Variants in MAGI2 observed in about 807,000 individuals in gnomAD.
MAGI2 encodes membrane associated guanylate kinase, WW and PDZ domain containing 2.
A neutral mutation model predicts 133.3 loss-of-function variants in MAGI2; 35 were observed. That is an observed-to-expected ratio of 0.26 (90% CI 0.20 to 0.35). The LOEUF is 0.35. Among genes scored for constraint, MAGI2 ranks in the 10% least tolerant of loss-of-function variants. MAGI2 has a pLI of 1.00. For missense variants in MAGI2, 1,636 were observed against 1,863.4 expected (o/e 0.88, Z 2.25); for synonymous variants, 729 against 710.6 (o/e 1.03, Z -0.41).
At chr7:79,063,212 G>C (rs1364120728) in intron 1 of MAGI2, among the ~76,000 whole-genome samples, 1 of 152,016 alleles carries the variant, frequency 6.6e-6, no homozygotes, top group Non-Finnish European at 1.5e-5. Flanking sequence ...TTCCAACAGT[G>C]TGTTTCCAAC....
chr7:79,174,871 A>G (rs1335068814), intron 1 of MAGI2, among the ~76,000 whole-genome samples: 1 of 151,916 alleles, frequency 6.6e-6, no homozygotes, highest in African/African-American at 2.4e-5. Context: ...ATCTTGCAAG[A>G]ACTATTGGAA....
chr7:78,677,728 T>C (rs170417), intron 2 of MAGI2, among the ~76,000 whole-genome samples: 31,013 of 152,028 alleles, frequency 0.2, 3,513 homozygotes, highest in East Asian at 0.41. Flanking sequence ...TTGGCATTTA[T>C]TACATAATTT....
At chr7:78,944,511 C>CATTTT (rs1801247230) in intron 2 of MAGI2, among the ~76,000 whole-genome samples, 1 of 152,048 alleles carries the variant, frequency 6.6e-6, no homozygotes, top group African/African-American at 2.4e-5. Flanking sequence ...CTGCATTCCC[C>CATTTT]TCCATAAAAT....
At chr7:79,237,675 C>T (rs978016444) in intron 1 of MAGI2, among the ~76,000 whole-genome samples, 1 of 152,134 alleles carries the variant, frequency 6.6e-6, no homozygotes, top group Non-Finnish European at 1.5e-5. Flanking sequence ...TATTAATATA[C>T]CCTACTTTCC....
intron 3 of MAGI2, among the ~76,000 whole-genome samples, chr7:78,588,951 G>C (rs1803701723): frequency 6.6e-6 from 1 of 152,184 alleles, no homozygotes; most frequent in Non-Finnish European, 1.5e-5. Flanking sequence ...CTTGCCCACT[G>C]TCAGGAACTG....
chr7:78,132,812 C>G, intron 18 of MAGI2, 77 bp downstream of exon 18: 1 of 1,601,338 alleles, frequency 6.2e-7, no homozygotes, highest in Non-Finnish European at 8.5e-7. Flanking sequence ...TCTGCCTGTC[C>G]TGTGCTGTCC....
chr7:79,309,932 AC>A (rs2129560508), intron 1 of MAGI2, among the ~76,000 whole-genome samples: 1 of 147,938 alleles, frequency 6.8e-6, no homozygotes, highest in African/African-American at 2.5e-5. Context: ...GGAGTTCAAG[AC>A]CAGCCTGGAC....
At position 78,127,210 on chromosome 7, in the gene MAGI2, T is replaced by C. The variant is rs768074203; in HGVS notation, c.3410A>G (p.Tyr1137Cys). 2 of 1,584,894 alleles carry C rather than the reference T, an allele frequency of 1.3e-6. No homozygotes were observed. The highest frequency in any genetic ancestry group is 1.2e-5 in the South Asian group (1 of 86,220). ...GGGAGGAGGTACCTGGGGTTGTCTGTAGTCCGACAGAGGGTACTGCCTGGT... is the reference window on the plus strand; with the variant it reads ...GGGAGGAGGTACCTGGGGTTGTCTGCAGTCCGACAGAGGGTACTGCCTGGT... ...PDTRQYPLSD[Y>C]RQPQDFDYFT... Residue 1137 changes from tyrosine (Y) to cysteine (C), a missense_variant, in exon 19 of 22, where the codon TAC becomes TGC. Transcript: ENST00000354212.
intron 1 of MAGI2, among the ~76,000 whole-genome samples, chr7:79,172,593 G>T (rs6950691): frequency 0.78 from 119,161 of 151,932 alleles, 47,563 homozygotes; most frequent in Non-Finnish European, 0.87. Flanking sequence ...AGTAAAATAT[G>T]CTCTATGATT....
intron 2 of MAGI2, among the ~76,000 whole-genome samples, chr7:78,837,458 T>A (rs1204419821): frequency 6.6e-6 from 1 of 152,178 alleles, no homozygotes; most frequent in East Asian, 1.9e-4. Context: ...CCATTTTTAT[T>A]ATGGAAGATA....
At chr7:78,413,735 G>A (rs984355347) in intron 6 of MAGI2, among the ~76,000 whole-genome samples, 3 of 151,992 alleles carry the variant, frequency 2.0e-5, no homozygotes, top group Non-Finnish European at 4.4e-5. Flanking sequence ...GGAGGCTCTT[G>A]GGCAATGGTA....
intron 1 of MAGI2, among the ~76,000 whole-genome samples, chr7:79,016,616 G>A (rs75715040): frequency 2.0e-5 from 3 of 152,212 alleles, no homozygotes; most frequent in East Asian, 3.9e-4. Flanking sequence ...GGTAAGCTTG[G>A]GTAGACCTTG....
chr7:78,229,345 A>G (rs142738313), intron 10 of MAGI2, among the ~76,000 whole-genome samples: 98 of 152,350 alleles, frequency 6.4e-4, no homozygotes, highest in African/African-American at 2.4e-3. Flanking sequence ...GTGGCAGATC[A>G]CACAGGCCAA....
intron 1 of MAGI2, among the ~76,000 whole-genome samples, chr7:79,173,157 C>A (rs1825771039): frequency 2.0e-5 from 3 of 151,784 alleles, no homozygotes; most frequent in Non-Finnish European, 1.5e-5. Context: ...ACATTTTATT[C>A]ATAATAGCAA....
intron 2 of MAGI2, among the ~76,000 whole-genome samples, chr7:78,646,007 G>A (rs988450048): frequency 1.3e-5 from 2 of 152,128 alleles, no homozygotes; most frequent in Admixed American, 6.5e-5. Flanking sequence ...CCAAAGTGCT[G>A]GGATTACAGG....
intron 2 of MAGI2, among the ~76,000 whole-genome samples, chr7:78,774,047 A>G (rs1053541522): frequency 6.6e-6 from 1 of 152,204 alleles, no homozygotes; most frequent in Non-Finnish European, 1.5e-5. Context: ...TATCCCAGGC[A>G]ATTATTATTA....
chr7:79,180,751 G>A (rs969154605), intron 1 of MAGI2, among the ~76,000 whole-genome samples: 1 of 151,964 alleles, frequency 6.6e-6, no homozygotes, highest in African/African-American at 2.4e-5. Flanking sequence ...AGTCTTATCT[G>A]AGAAAAGGCA....
chr7:78,537,967 G>A (rs879720945), intron 3 of MAGI2, among the ~76,000 whole-genome samples: 9 of 152,140 alleles, frequency 5.9e-5, no homozygotes, highest in Non-Finnish European at 1.2e-4. Context: ...AATTTTTATG[G>A]TTTGAGGTTT....
At chr7:78,943,486 T>A (rs1801152813) in intron 2 of MAGI2, among the ~76,000 whole-genome samples, 1 of 152,158 alleles carries the variant, frequency 6.6e-6, no homozygotes, top group Admixed American at 6.6e-5. Flanking sequence ...CTTGCTAAAG[T>A]GGGAGGACCA....
Sources: allele counts gnomAD v4.1 joint callset (sites outside exome capture counted in the v4.1 genomes callset), GRCh38; gene constraint gnomAD v4.1.1; transcripts MANE v1.5; gene names NCBI Gene and HGNC (gene_info 2026-07-23, HGNC 2026-07-21).